The following UBR1 variants were observed in gnomAD, a reference collection of about 807,000 sequenced individuals.
UBR1 encodes ubiquitin protein ligase E3 component n-recognin 1.
UBR1 carries 102 observed loss-of-function variants against 242.1 expected under a neutral mutation model. That is an observed-to-expected ratio of 0.42 (90% CI 0.36 to 0.50). The LOEUF is 0.50. Among genes scored for constraint, UBR1 ranks in the 20% least tolerant of loss-of-function variants. The pLI is 0.01. For missense variants in UBR1, 1,772 were observed against 2,101.8 expected (o/e 0.84, Z 3.07); for synonymous variants, 675 against 684.8 (o/e 0.99, Z 0.22).
chr15:43,079,622 T>C (rs968751387), intron 3 of UBR1, among the ~76,000 whole-genome samples: 5 of 151,470 alleles, frequency 3.3e-5, no homozygotes, highest in Non-Finnish European at 5.9e-5. Context: ...TACTAAAAAA[T>C]ACAAAAAAAA....
At chr15:43,040,366 G>A (rs373690143) in intron 15 of UBR1, among the ~76,000 whole-genome samples, 17 of 152,108 alleles carry the variant, frequency 1.1e-4, no homozygotes, top group Admixed American at 1.1e-3. Flanking sequence ...TCCCTATTTA[G>A]TAAATGGTGC....
At chr15:42,985,383 G>A (rs531075768) in intron 35 of UBR1, among the ~76,000 whole-genome samples, 11 of 151,628 alleles carry the variant, frequency 7.3e-5, no homozygotes, top group African/African-American at 2.7e-4. Context: ...ACAGACTTTC[G>A]CTCTTGTTGC....
At chr15:43,068,090 A>AAAAAAAAAAAAAAAAAAAAAAAAAAAAAT in intron 5 of UBR1, 54 bp from the exon 6 acceptor site, 2 of 150,590 alleles carry the variant, frequency 1.3e-5, no homozygotes, top group Non-Finnish European at 2.3e-5. Flanking sequence ...AAGGAAAAGT[A>AAAAAAAAAAAAAAAAAAAAAAAAAAAAAT]AAAAAAAAAA....
At chr15:42,964,854 A>G (rs905224129) in intron 41 of UBR1, among the ~76,000 whole-genome samples, 10 of 152,184 alleles carry the variant, frequency 6.6e-5, no homozygotes, top group African/African-American at 2.4e-4. Flanking sequence ...ATGTCTCCTC[A>G]CAGAGAAGCA....
chr15:43,042,131 C>A (rs1567134670), intron 15 of UBR1, among the ~76,000 whole-genome samples: 1 of 151,950 alleles, frequency 6.6e-6, no homozygotes, highest in Non-Finnish European at 1.5e-5. Context: ...GATGGTTCCT[C>A]AAAAAACCAA....
intron 32 of UBR1, among the ~76,000 whole-genome samples, chr15:43,002,178 G>A (rs193179971): frequency 2.6e-5 from 4 of 152,270 alleles, no homozygotes; most frequent in African/African-American, 9.6e-5. Context: ...AAACAGTAAT[G>A]TAACAAAAAC....
intron 11 of UBR1, among the ~76,000 whole-genome samples, chr15:43,055,830 G>A (rs1266373903): frequency 1.3e-5 from 2 of 152,058 alleles, no homozygotes; most frequent in Admixed American, 6.5e-5. Context: ...CATGAGAATC[G>A]CTTGAACCCG....
chr15:42,968,840 C>T (rs1412170844), intron 40 of UBR1, among the ~76,000 whole-genome samples: 1 of 152,164 alleles, frequency 6.6e-6, no homozygotes, highest in Non-Finnish European at 1.5e-5. Flanking sequence ...CTGCAAAAGA[C>T]ATGAACTCAT....
chr15:43,043,702 C>T (rs1243374580), intron 14 of UBR1, among the ~76,000 whole-genome samples: 1 of 152,178 alleles, frequency 6.6e-6, no homozygotes, highest in African/African-American at 2.4e-5. Flanking sequence ...CCACCTTGAC[C>T]TCCCAAAGTG....
chr15:43,035,341 G>A (rs1235461644), intron 19 of UBR1, among the ~76,000 whole-genome samples: 5 of 152,228 alleles, frequency 3.3e-5, no homozygotes, highest in African/African-American at 1.2e-4. Flanking sequence ...TTATATATGT[G>A]TATATATGTG....
At chr15:42,996,924 T>C (rs1402217393) in intron 33 of UBR1, among the ~76,000 whole-genome samples, 1 of 152,164 alleles carries the variant, frequency 6.6e-6, no homozygotes, top group Non-Finnish European at 1.5e-5. Flanking sequence ...AGATAATTTT[T>C]TAAATACTGG....
rs2031713299 is a variant in UBR1, at chr15:42,945,308, G to A, written c.*21C>T. The A allele has an allele frequency of 6.2e-7, 1 of 1,614,046 alleles. No homozygotes were observed. Among genetic ancestry groups the A allele is most frequent in the Non-Finnish European group, 8.5e-7 (1 of 1,179,962 alleles). ...TTTACTACTGTCGTCATTTGTGATT[G>A]TCTTGAGGCAGAGTTGGAGCTCACA... On this transcript the variant is annotated 3_prime_UTR_variant, in exon 47 of 47. Transcript: ENST00000290650.
chr15:43,064,164 AT>A (rs1381157685), intron 6 of UBR1, among the ~76,000 whole-genome samples: 1 of 152,234 alleles, frequency 6.6e-6, no homozygotes, highest in Non-Finnish European at 1.5e-5. Context: ...AGAGTACCAC[AT>A]TTTAAGAAAA....
At chr15:43,029,313 T>C (rs1248430556) in intron 21 of UBR1, among the ~76,000 whole-genome samples, 1 of 152,202 alleles carries the variant, frequency 6.6e-6, no homozygotes, top group Non-Finnish European at 1.5e-5. Flanking sequence ...CCACCTGTGG[T>C]GGTCATGAGA....
chr15:43,077,415 C>T (rs1474125802), intron 3 of UBR1, among the ~76,000 whole-genome samples: 4 of 151,698 alleles, frequency 2.6e-5, no homozygotes, highest in African/African-American at 4.8e-5. Flanking sequence ...ATTAAGGGTG[C>T]GAGATGTGCT....
At chr15:42,990,351 A>AT (rs1656443387) in intron 33 of UBR1, among the ~76,000 whole-genome samples, 2 of 151,996 alleles carry the variant, frequency 1.3e-5, no homozygotes, top group Admixed American at 1.3e-4. Flanking sequence ...TTTTTAAACA[A>AT]TTTTTTTGTA....
Position 43,025,050 on chromosome 15 carries a change from A to C in UBR1, c.2585-67T>G, listed in dbSNP as rs573976672. 17 of 1,586,216 alleles carry C rather than the reference A, an allele frequency of 1.1e-5. No homozygotes were observed. The South Asian group carries it at 1.9e-4, about 18-fold the overall frequency. ...TACATTTTTATTTGGGTTATCCTAC[A>C]TACTAAAGTGCAAATGTCAAAAAAT... is the stretch of plus-strand genomic sequence containing the variant. On this transcript the variant is annotated intron_variant, in intron 24 of 46. Transcript: ENST00000290650.
chr15:42,975,178 G>T (rs1233169907), intron 39 of UBR1, among the ~76,000 whole-genome samples: 1 of 152,178 alleles, frequency 6.6e-6, no homozygotes, highest in Non-Finnish European at 1.5e-5. Context: ...TTACAGGTGT[G>T]AGCCACCACC....
chr15:43,061,158 C>A (rs2033679336), intron 6 of UBR1, among the ~76,000 whole-genome samples: 1 of 152,152 alleles, frequency 6.6e-6, no homozygotes, highest in Non-Finnish European at 1.5e-5. Context: ...GAGTTAGCTG[C>A]TGATCATGGT....
Sources: gnomAD v4.1 joint callset for allele counts (sites outside exome capture counted in the v4.1 genomes callset) on GRCh38, gnomAD v4.1.1 for gene constraint, MANE v1.5 for transcripts, NCBI Gene and HGNC (gene_info 2026-07-23, HGNC 2026-07-21) for gene names.